ATP8A2: variants seen among roughly 807,000 people sequenced by gnomAD.
The protein encoded by ATP8A2 is phospholipid-transporting ATPase IB.
ATP8A2 carries 100 observed loss-of-function variants against 165.6 expected under a neutral mutation model. That is an observed-to-expected ratio of 0.60 (90% CI 0.51 to 0.71). The LOEUF is 0.71. Ranked by LOEUF, ATP8A2 falls within the 30% of genes least tolerant of loss-of-function variation. The pLI is 0.00. For synonymous variants in ATP8A2, 543 were observed against 548.8 expected, an observed-to-expected ratio of 0.99 and a Z score of 0.15; for missense variants, 1,227 against 1,479.5, an observed-to-expected ratio of 0.83 and a Z score of 2.80.
At chr13:25,939,394 A>G (rs1434592803) in intron 33 of ATP8A2, among the ~76,000 whole-genome samples, 1 of 151,996 alleles carries the variant, frequency 6.6e-6, no homozygotes, top group Admixed American at 6.5e-5. Context: ...GTGCTTTCCA[A>G]CACATCTCTC....
At chr13:25,966,350 T>G (rs1219227826) in intron 34 of ATP8A2, among the ~76,000 whole-genome samples, 2 of 152,242 alleles carry the variant, frequency 1.3e-5, no homozygotes, top group Non-Finnish European at 1.5e-5. Flanking sequence ...CAGTGGCTAA[T>G]GCTTAACAAC....
At chr13:25,613,562 G>C (rs2040745788) in intron 24 of ATP8A2, among the ~76,000 whole-genome samples, 1 of 152,128 alleles carries the variant, frequency 6.6e-6, no homozygotes, top group South Asian at 2.1e-4. Context: ...GACAGAGCAA[G>C]ACTCCATCTC....
chr13:25,860,816 AC>A lies in ATP8A2; in HGVS notation c.3032del (p.Thr1011MetfsTer4). ...TTTATTTTCACAGTATGTTGTTGTT[AC>A]TGTTTGTCTGAAAGCTGGTTTGGAG... ...GNIVYTYVVVTVCLKAGLETT... is the reference protein window; with the variant it reads ...GNIVYTYVVVXVCLKAGLETT... On this transcript the variant is annotated frameshift_variant, in exon 32 of 37. Transcript: ENST00000381655. LOFTEE classifies it high-confidence loss of function. 1 of 1,596,704 alleles carries A rather than the reference AC, an allele frequency of 6.3e-7. No homozygotes were observed. The highest frequency in any genetic ancestry group is 8.6e-7 in the Non-Finnish European group (1 of 1,169,226).
At chr13:25,381,415 A>G (rs1216275989) in intron 1 of ATP8A2, among the ~76,000 whole-genome samples, 1 of 152,258 alleles carries the variant, frequency 6.6e-6, no homozygotes, top group Non-Finnish European at 1.5e-5. Context: ...AGAAGTCTGA[A>G]TAGATAATGT....
chr13:25,372,153 C>T lies in ATP8A2; in HGVS notation c.-60C>T, dbSNP rs963235750. On this transcript the variant is annotated 5_prime_UTR_variant, in exon 1 of 37. Coordinates refer to ENST00000381655, the MANE Select transcript of ATP8A2 (RefSeq NM_016529.6). The surrounding 1 kb of genome is among the most constrained non-coding windows in gnomAD (Gnocchi z 4.8). ...GTCCTCGGGCGGCGGCCCCTGCGCCCAGCCCTGCGCGTAGCCTCCGTCTCT... is the reference window on the plus strand; with the variant it reads ...GTCCTCGGGCGGCGGCCCCTGCGCCTAGCCCTGCGCGTAGCCTCCGTCTCT... 2.4e-6 allele frequency: 3 copies of T among 1,242,758 alleles called. No homozygotes were observed. Among genetic ancestry groups the T allele is most frequent in the Non-Finnish European group, 3.1e-6 (3 of 956,366 alleles). 77.0% of individuals were successfully genotyped at this position (1,242,758 alleles called of 1,614,324 possible).
intron 25 of ATP8A2, among the ~76,000 whole-genome samples, chr13:25,721,544 G>C (rs1004977756): frequency 6.6e-6 from 1 of 152,176 alleles, no homozygotes; most frequent in African/African-American, 2.4e-5. Flanking sequence ...ATAGGCCCGA[G>C]TATGTACAGC....
At chr13:25,924,061 C>G (rs956262878) in intron 33 of ATP8A2, among the ~76,000 whole-genome samples, 6 of 152,200 alleles carry the variant, frequency 3.9e-5, no homozygotes, top group Non-Finnish European at 8.8e-5. Context: ...CTGCTTCCCC[C>G]ATCTGCAAAA....
intron 30 of ATP8A2, among the ~76,000 whole-genome samples, chr13:25,853,048 A>T (rs949132286): frequency 5.3e-5 from 8 of 152,126 alleles, no homozygotes; most frequent in Non-Finnish European, 1.0e-4. Context: ...AGGAGCTAAT[A>T]TGTGTAAAGT....
intron 1 of ATP8A2, among the ~76,000 whole-genome samples, chr13:25,418,719 T>G (rs754892558): frequency 2.6e-5 from 4 of 151,436 alleles, no homozygotes; most frequent in Non-Finnish European, 5.9e-5. Context: ...TGTATCGCCT[T>G]CCGAGATCCA....
At chr13:25,375,865 G>A (rs562573535) in intron 1 of ATP8A2, among the ~76,000 whole-genome samples, 1 of 152,154 alleles carries the variant, frequency 6.6e-6, no homozygotes, top group African/African-American at 2.4e-5. Context: ...GCCACCGTTT[G>A]GACCAGGACT....
intron 35 of ATP8A2, among the ~76,000 whole-genome samples, chr13:25,992,237 T>TA (rs1956410775): frequency 6.7e-6 from 1 of 149,358 alleles, no homozygotes; most frequent in Non-Finnish European, 1.5e-5. Flanking sequence ...TTTTTTTTTT[T>TA]AATTTTAGCC....
intron 35 of ATP8A2, among the ~76,000 whole-genome samples, chr13:26,006,992 A>T (rs568190528): frequency 1.7e-5 from 2 of 119,932 alleles, no homozygotes; most frequent in East Asian, 4.2e-4. Flanking sequence ...TTCTCTCTTT[A>T]AAAAAAAAAA....
intron 25 of ATP8A2, among the ~76,000 whole-genome samples, chr13:25,742,274 G>T (rs2043930683): frequency 1.3e-5 from 2 of 151,984 alleles, no homozygotes; most frequent in South Asian, 4.2e-4. Context: ...ATCTTATAGG[G>T]CCACTGTCGT....
intron 2 of ATP8A2, among the ~76,000 whole-genome samples, chr13:25,507,169 A>G (rs1369649844): frequency 1.3e-5 from 2 of 151,450 alleles, no homozygotes; most frequent in Admixed American, 6.6e-5. Context: ...AATATATTGA[A>G]GAGTGATATC....
chr13:25,571,545 GACACTAAACAGAATTCTGTCACT>G, intron 17 of ATP8A2, 42 bp from the exon 18 acceptor site: 1 of 1,223,096 alleles, frequency 8.2e-7, no homozygotes, highest in East Asian at 2.3e-5. Context: ...TTTGAAAAGT[GACACTAAACAGAATTCTGTCACT>G]ACCAGTGATA....
At chr13:25,446,148 G>C (rs1359099801) in intron 1 of ATP8A2, among the ~76,000 whole-genome samples, 1 of 152,108 alleles carries the variant, frequency 6.6e-6, no homozygotes, top group Non-Finnish European at 1.5e-5. Context: ...CCCTTGGGCT[G>C]TCCTATCAGT....
At chr13:25,658,534 G>T (rs1307468681) in intron 24 of ATP8A2, among the ~76,000 whole-genome samples, 1 of 152,162 alleles carries the variant, frequency 6.6e-6, no homozygotes, top group Non-Finnish European at 1.5e-5. Flanking sequence ...AGCTACTTGG[G>T]AGGCTGAGGC....
intron 24 of ATP8A2, among the ~76,000 whole-genome samples, chr13:25,696,771 T>C (rs1202878599): frequency 6.6e-6 from 1 of 152,222 alleles, no homozygotes; most frequent in Non-Finnish European, 1.5e-5. Context: ...TTTGCTTTCT[T>C]ATCATTTGTG....
At chr13:25,735,787 C>T (rs1042568847) in intron 25 of ATP8A2, among the ~76,000 whole-genome samples, 3 of 152,064 alleles carry the variant, frequency 2.0e-5, no homozygotes, top group Non-Finnish European at 2.9e-5. Flanking sequence ...GTTGTAATGT[C>T]ATAGTGCAAA....
Sources: allele counts gnomAD v4.1 joint callset (sites outside exome capture counted in the v4.1 genomes callset), GRCh38; gene constraint gnomAD v4.1.1; non-coding constraint Gnocchi (gnomAD v3.1); transcripts MANE v1.5; gene names NCBI Gene and HGNC (gene_info 2026-07-23, HGNC 2026-07-21).